Variants in GCC2 observed in about 807,000 individuals in gnomAD.
GCC2 encodes GRIP and coiled-coil domain-containing protein 2.
In GCC2, 120 loss-of-function variants were observed where a neutral mutation model predicts 210.6. That is an observed-to-expected ratio of 0.57 (90% CI 0.49 to 0.66). GCC2 has a LOEUF of 0.66. Among genes scored for constraint, GCC2 ranks in the 30% least tolerant of loss-of-function variants. The pLI, the probability that GCC2 is intolerant of heterozygous loss-of-function variation, is 0.00. For missense variants in GCC2, 1,868 were observed against 1,871.9 expected, an observed-to-expected ratio of 1.00 and a Z score of 0.04; for synonymous variants, 703 against 652.7, an observed-to-expected ratio of 1.08 and a Z score of -1.17.
intron 11 of GCC2, among the ~76,000 whole-genome samples, chr2:108,482,797 C>T: frequency 6.6e-6 from 1 of 152,126 alleles, no homozygotes; most frequent in East Asian, 1.9e-4. Flanking sequence ...CTGCCTCAGC[C>T]TCCCGAGTAG....
intron 19 of GCC2, chr2:108,493,428 T>C (rs891530151): frequency 3.0e-6 from 3 of 983,926 alleles, no homozygotes; most frequent in Non-Finnish European, 2.4e-6. Flanking sequence ...ATTTCTTTCA[T>C]GTTCTCCGTT....
At position 108,491,781 on chromosome 2, in the gene GCC2, A is replaced by AT. The variant is rs775057900; in HGVS notation, c.4230-789dup. Among the ~76,000 whole-genome samples the AT allele has an allele frequency of 2.1e-3, 300 of 145,740 alleles. 1 individual carries two copies. Among genetic ancestry groups the AT allele is most frequent in the Middle Eastern group, 0.014 (4 of 288 alleles). On this transcript the variant is annotated intron_variant, in intron 18 of 22. Coordinates refer to ENST00000309863, the MANE Select transcript of GCC2 (RefSeq NM_181453.4). ...TAAAAGGAAATTTATTTATTTATTT[A>AT]TTTATTTTTTTTACCAAAGCCAAAC...
At chr2:108,503,827 A>G (rs1210330137) in intron 22 of GCC2, among the ~76,000 whole-genome samples, 2 of 152,222 alleles carry the variant, frequency 1.3e-5, no homozygotes, top group African/African-American at 4.8e-5. Flanking sequence ...AAAGAATACA[A>G]GCTGGGCTCA....
chr2:108,504,745 G>A (rs940745438), intron 22 of GCC2, among the ~76,000 whole-genome samples: 1 of 152,046 alleles, frequency 6.6e-6, no homozygotes, highest in African/African-American at 2.4e-5. Context: ...TACTCAAGCA[G>A]GAAGTAAAAG....
In GCC2 at chr2:108,492,697, G is replaced by A; in HGVS notation, c.4354G>A (p.Glu1452Lys). The change falls in exon 19 of 23, where the codon GAA becomes AAA. Residue 1452 changes from glutamate (E) to lysine (K), a missense_variant. Around this residue, in one of 3 missense-constraint regions of GCC2, gnomAD observed 1,847 missense variants for 1,765.2 expected, o/e 1.05. Coordinates refer to ENST00000309863, the MANE Select transcript of GCC2 (RefSeq NM_181453.4). ...CCGAGATCAAGTGCGACATTTGCAG[G>A]AAGAACACAGAAAGACAGTGGAGAC... ...SFRDQVRHLQ[E>K]EHRKTVETLQ... The A allele has an allele frequency of 6.2e-7, 1 of 1,613,980 alleles. No homozygotes were observed. The highest frequency in any genetic ancestry group is 8.5e-7 in the Non-Finnish European group (1 of 1,179,866).
chr2:108,449,781 T>G (rs1679817895), intron 2 of GCC2, 92 bp downstream of exon 2: 1 of 908,578 alleles, frequency 1.1e-6, no homozygotes, highest in South Asian at 1.4e-5. Context: ...GGCGCTGATT[T>G]TTTTTTTTTT....
At chr2:108,479,524 C>G (rs1440411483) in intron 9 of GCC2, among the ~76,000 whole-genome samples, 1 of 151,696 alleles carries the variant, frequency 6.6e-6, no homozygotes, top group African/African-American at 2.4e-5. Flanking sequence ...ACCTATAGTC[C>G]CAGCTACTTG....
intron 9 of GCC2, 147 bp from the exon 10 acceptor site, chr2:108,481,550 C>T (rs1388730164): frequency 1.2e-5 from 6 of 517,742 alleles, no homozygotes; most frequent in Non-Finnish European, 2.1e-5. Flanking sequence ...GTTTTATTAC[C>T]TAATGCCAGT....
At position 108,500,552 on chromosome 2, in the gene GCC2, G is replaced by T. The variant is rs1173601748; in HGVS notation, c.4984+798G>T. On this transcript the variant is annotated intron_variant, in intron 22 of 22. Coordinates refer to ENST00000309863, the MANE Select transcript of GCC2 (RefSeq NM_181453.4). ...ACAAAAAAAAACTATGATGTAGTTAGAGTTGGTTTCCATGTCAGATGGATT... is the reference window on the plus strand; with the variant it reads ...ACAAAAAAAAACTATGATGTAGTTATAGTTGGTTTCCATGTCAGATGGATT... Among the ~76,000 whole-genome samples the T allele has an allele frequency of 1.1e-4, 16 of 152,306 alleles. 1 individual carries two copies. The South Asian group carries it at 3.3e-3, about 32-fold the overall frequency.
chr2:108,504,903 A>G (rs993185996), intron 22 of GCC2, among the ~76,000 whole-genome samples: 1 of 152,204 alleles, frequency 6.6e-6, no homozygotes, highest in African/African-American at 2.4e-5. Flanking sequence ...CAATAGGAAA[A>G]TAGGCCAAGC....
At chr2:108,472,344 T>G (rs1681277735) in intron 6 of GCC2, among the ~76,000 whole-genome samples, 1 of 152,128 alleles carries the variant, frequency 6.6e-6, no homozygotes, top group African/African-American at 2.4e-5. Flanking sequence ...TTATAGAAGA[T>G]TAAATGATTA....
chr2:108,471,371 A>T lies in GCC2; in HGVS notation c.2042A>T (p.Glu681Val). The stretch of plus-strand genomic sequence containing the variant: ...ATGAAAGTTCTCTCTGAAGACAAAG[A>T]AGTATTGTCAGCTGAAGTGAAGTCT... Reference protein sequence around the residue: ...VQMKVLSEDKEVLSAEVKSLY... With the variant: ...VQMKVLSEDKVVLSAEVKSLY... The change falls in exon 6 of 23, where the codon GAA becomes GTA. Residue 681 changes from glutamate to valine, a missense_variant. Coordinates refer to ENST00000309863, the MANE Select transcript of GCC2 (RefSeq NM_181453.4). 6.2e-7 allele frequency: 1 copy of T among 1,609,124 alleles called. No individual in the cohort carries two copies.
intron 4 of GCC2, among the ~76,000 whole-genome samples, chr2:108,466,940 A>T (rs1183912036): frequency 2.0e-5 from 3 of 152,178 alleles, no homozygotes; most frequent in Admixed American, 2.0e-4. Context: ...ATGGTTAAAA[A>T]TATGTTTGCG....
chr2:108,467,526 C>T (rs950030257), intron 4 of GCC2, among the ~76,000 whole-genome samples: 3 of 152,188 alleles, frequency 2.0e-5, no homozygotes, highest in Admixed American at 2.0e-4. Flanking sequence ...GTTACCTAGG[C>T]TCAAACATGA....
In GCC2 at chr2:108,476,054, C is replaced by CCTT. The variant is rs1558744710; in HGVS notation, c.3060+204_3060+205insCTT. 3.4e-3 allele frequency among the ~76,000 whole-genome samples: 327 copies of CCTT among 96,298 alleles called. 55 individuals carry two copies. In the Middle Eastern group the frequency reaches 0.039, roughly 12 times the overall value. 63.2% of individuals were successfully genotyped at this position (96,298 alleles called of 152,430 possible). On this transcript the variant is annotated intron_variant, in intron 9 of 22. Transcript: ENST00000309863. ...TGGTTAAGCTTTAAATAGTGGCTTG[C>CCTT]TTTTTTTTTTTTTTTTTTTTTTTTT...
chr2:108,489,577 G>C, intron 17 of GCC2, among the ~76,000 whole-genome samples: 1 of 151,816 alleles, frequency 6.6e-6, no homozygotes, highest in East Asian at 1.9e-4. Context: ...ACATAAATAG[G>C]CTATTTTGAT....
At position 108,470,367 on chromosome 2, in the gene GCC2, T is replaced by A; in HGVS notation, c.1038T>A (p.Ser346=). Reference sequence around the variant, plus strand: ...AAGATACCTTAAAAGAACTTGAATCTCAACACAGTATCTTAAAAGATGAGG... The same window carrying A: ...AAGATACCTTAAAAGAACTTGAATCACAACACAGTATCTTAAAAGATGAGG... ...HLEDTLKELE[S]QHSILKDEVT... The change falls in exon 6 of 23, where the codon TCT becomes TCA. Residue 346 remains serine, a synonymous_variant. Transcript: ENST00000309863. 1.2e-6 allele frequency: 2 copies of A among 1,605,550 alleles called. No homozygotes were observed. Among genetic ancestry groups the A allele is most frequent in the South Asian group, 1.1e-5 (1 of 89,590 alleles).
rs1218346299 is a variant in GCC2 at position 108,469,854 on chromosome 2, C to T, written c.525C>T (p.Asn175=). 2 of 1,611,858 alleles carry T rather than the reference C, an allele frequency of 1.2e-6. No individual in the cohort carries two copies. The highest frequency in any genetic ancestry group is 1.7e-6 in the Non-Finnish European group (2 of 1,178,854). ...ELSEQLKFQN[N]SEDNVKKLQE... ...CAGAACAACTTAAATTTCAGAACAACTCTGAAGATAATGTTAAAAAACTAC... is the reference window on the plus strand; with the variant it reads ...CAGAACAACTTAAATTTCAGAACAATTCTGAAGATAATGTTAAAAAACTAC... Residue 175 remains asparagine, a synonymous_variant, in exon 6 of 23, where the codon AAC becomes AAT. Coordinates refer to ENST00000309863, the MANE Select transcript of GCC2 (RefSeq NM_181453.4).
intron 4 of GCC2, 151 bp from the exon 5 acceptor site, chr2:108,468,829 C>G (rs746158474): frequency 4.4e-5 from 24 of 540,552 alleles, no homozygotes; most frequent in Non-Finnish European, 7.8e-5. Flanking sequence ...ATCCTTATAT[C>G]TTTTCTCCTT....
Sources: allele counts gnomAD v4.1 joint callset (sites outside exome capture counted in the v4.1 genomes callset), GRCh38; gene constraint gnomAD v4.1.1; regional missense constraint gnomAD v4.1.1; transcripts MANE v1.5; gene names NCBI Gene and HGNC (gene_info 2026-07-23, HGNC 2026-07-21).